Variants in NREP observed in about 807,000 individuals in gnomAD.
NREP encodes neuronal regeneration related protein.
Under a neutral mutation model 8.6 loss-of-function variants are expected in NREP, and 5 were observed. The ratio of observed to expected loss-of-function variants is 0.58; its 90% confidence interval spans 0.30 to 1.22. The LOEUF is 1.22. NREP is among the 50% of genes most tolerant of loss of function. The pLI is 0.07. For synonymous variants in NREP, 27 were observed against 28.0 expected (o/e 0.96, Z 0.11); for missense variants, 86 against 82.5 (o/e 1.04, Z -0.17).
intron 2 of NREP, among the ~76,000 whole-genome samples, chr5:111,753,917 T>C (rs1308284791): frequency 6.6e-6 from 1 of 152,224 alleles, no homozygotes; most frequent in East Asian, 1.9e-4. Context: ...AACCTTTTTT[T>C]ACATTAATAT....
chr5:111,880,349 C>T (rs79572781), intron 2 of NREP, among the ~76,000 whole-genome samples: 558 of 152,284 alleles, frequency 3.7e-3, no homozygotes, highest in African/African-American at 0.013. Flanking sequence ...ATACCACAGA[C>T]GAGGTGGCTT....
At chr5:111,857,188 G>A (rs944546847) in intron 2 of NREP, among the ~76,000 whole-genome samples, 43 of 152,164 alleles carry the variant, frequency 2.8e-4, no homozygotes, top group African/African-American at 9.2e-4. Context: ...GAGAGGAAGC[G>A]TGGGAGTCTT....
chr5:111,732,022 T>G (rs1367388620), intron 3 of NREP: 1 of 152,210 alleles, frequency 6.6e-6, no homozygotes, highest in Non-Finnish European at 1.5e-5. Context: ...TCAGCTGAAC[T>G]CTGGAGTTTT....
chr5:111,733,726 T>G (rs1049366805), intron 3 of NREP: 15 of 152,152 alleles, frequency 9.9e-5, no homozygotes, highest in African/African-American at 3.6e-4. Flanking sequence ...GCTGAGGGAC[T>G]TGAGTAATTC....
rs1751328743 is a variant in NREP at position 111,775,253 on chromosome 5, T to C, written c.136-39746A>G. On this transcript the variant is annotated intron_variant, in intron 2 of 3. Coordinates refer to the NREP transcript ENST00000395634. ...CATTTAGAACAATTCCTTAAGTTTCTTTCTATACCAATCCTCATTTTAAGG... is the reference window on the plus strand; with the variant it reads ...CATTTAGAACAATTCCTTAAGTTTCCTTCTATACCAATCCTCATTTTAAGG... Among the ~76,000 whole-genome samples, 3 of 152,174 alleles carry C rather than the reference T, an allele frequency of 2.0e-5. No homozygotes were observed. The South Asian group carries it at 6.2e-4, about 32-fold the overall frequency.
At chr5:111,761,369 T>C (rs987633567), upstream of NREP, among the ~76,000 whole-genome samples, 3 of 152,184 alleles carry the variant, frequency 2.0e-5, no homozygotes, top group African/African-American at 7.2e-5. Flanking sequence ...CCACATGCTA[T>C]TCCTCCTGCT....
intron 2 of NREP, among the ~76,000 whole-genome samples, chr5:111,751,834 A>C (rs1208768730): frequency 6.6e-6 from 1 of 152,180 alleles, no homozygotes; most frequent in Non-Finnish European, 1.5e-5. Context: ...TAATTATTTC[A>C]ACCCTCCATT....
At chr5:111,885,884 G>C (rs893796767) in intron 2 of NREP, among the ~76,000 whole-genome samples, 1 of 152,228 alleles carries the variant, frequency 6.6e-6, no homozygotes, top group South Asian at 2.1e-4. Flanking sequence ...AGAAAACCTA[G>C]GCATTACCAT....
At chr5:111,732,981 T>G (rs1032656026) in intron 3 of NREP, 1 of 152,150 alleles carries the variant, frequency 6.6e-6, no homozygotes, top group African/African-American at 2.4e-5. Flanking sequence ...AATCTCAGTC[T>G]CAGTACTAAT....
chr5:111,892,054 A>G (rs1246864100), intron 2 of NREP, among the ~76,000 whole-genome samples: 1 of 152,230 alleles, frequency 6.6e-6, no homozygotes, highest in East Asian at 1.9e-4. Flanking sequence ...AAAAGTAAGG[A>G]ACAAAATAAG....
At chr5:111,762,615 T>A (rs193071347), upstream of NREP, among the ~76,000 whole-genome samples, 1 of 152,192 alleles carries the variant, frequency 6.6e-6, no homozygotes, top group African/African-American at 2.4e-5. Flanking sequence ...AAGAAGAGAT[T>A]AGGACACAGA....
At chr5:111,815,259 T>C (rs900973330) in intron 2 of NREP, among the ~76,000 whole-genome samples, 3 of 152,152 alleles carry the variant, frequency 2.0e-5, no homozygotes, top group Non-Finnish European at 4.4e-5. Context: ...AGTAGGACTA[T>C]TCCTTAGGAA....
At chr5:111,919,875 GAA>G (rs1561346112) in intron 2 of NREP, among the ~76,000 whole-genome samples, 147 of 132,798 alleles carry the variant, frequency 1.1e-3, no homozygotes, top group Middle Eastern at 4.2e-3. Context: ...GAGAGAGAAA[GAA>G]AGAAAGAAAG....
chr5:111,917,617 A>T (rs1415369174), intron 2 of NREP, among the ~76,000 whole-genome samples: 2 of 152,222 alleles, frequency 1.3e-5, no homozygotes, highest in Non-Finnish European at 2.9e-5. Context: ...CCACCTGATT[A>T]TCTCCATAGA....
chr5:111,808,205 C>T (rs573299467), intron 2 of NREP, among the ~76,000 whole-genome samples: 12 of 152,226 alleles, frequency 7.9e-5, no homozygotes, highest in African/African-American at 2.9e-4. Context: ...CTCCAATGGG[C>T]TACCATCTCA....
At chr5:111,879,548 T>G (rs1753995541) in intron 2 of NREP, among the ~76,000 whole-genome samples, 1 of 152,210 alleles carries the variant, frequency 6.6e-6, no homozygotes, top group Non-Finnish European at 1.5e-5. Context: ...TGGAAATATC[T>G]TAAGTACAGG....
At chr5:111,898,254 A>G (rs1322968444) in intron 2 of NREP, among the ~76,000 whole-genome samples, 1 of 152,180 alleles carries the variant, frequency 6.6e-6, no homozygotes, top group Admixed American at 6.5e-5. Context: ...CGATTGCAGT[A>G]ATAAAGACAA....
chr5:111,860,859 A>G lies in NREP; in HGVS notation c.135+114415T>C, dbSNP rs184455414. 7.6e-4 allele frequency among the ~76,000 whole-genome samples: 116 copies of G among 152,282 alleles called. 2 individuals are homozygous for G. Among genetic ancestry groups the G allele is most frequent in the African/African-American group, 2.6e-3 (110 of 41,572 alleles). On this transcript the variant is annotated intron_variant, in intron 2 of 3. Transcript: ENST00000395634. ...AAAACACTTAGGAAACATTTGTAACATGGCTTTTATCTAAACTAAGGTTCA... is the reference window on the plus strand; with the variant it reads ...AAAACACTTAGGAAACATTTGTAACGTGGCTTTTATCTAAACTAAGGTTCA...
chr5:111,934,182 G>A (rs182526581), intron 2 of NREP, among the ~76,000 whole-genome samples: 25 of 152,148 alleles, frequency 1.6e-4, no homozygotes, highest in Non-Finnish European at 3.7e-4. Context: ...TAGGTTGTAA[G>A]GTGAATGTTG....
Sources: allele counts gnomAD v4.1 joint callset (sites outside exome capture counted in the v4.1 genomes callset), GRCh38; gene constraint gnomAD v4.1.1; transcripts MANE v1.5; gene names NCBI Gene and HGNC (gene_info 2026-07-23, HGNC 2026-07-21).